The following PIEZO2 variants were observed in gnomAD, a reference collection of about 807,000 sequenced individuals.
PIEZO2 encodes piezo-type mechanosensitive ion channel component 2.
Under a neutral mutation model 337.3 loss-of-function variants are expected in PIEZO2, and 172 were observed. That is an observed-to-expected ratio of 0.51 (90% CI 0.45 to 0.58). The LOEUF is 0.58. PIEZO2 is among the 20% of genes least tolerant of loss of function. The pLI, the probability that PIEZO2 is intolerant of heterozygous loss-of-function variation, is 0.00. For synonymous variants in PIEZO2, 1,251 were observed against 1,228.5 expected, an observed-to-expected ratio of 1.02 and a Z score of -0.38; for missense variants, 3,028 against 3,391.3, an observed-to-expected ratio of 0.89 and a Z score of 2.66.
intron 17 of PIEZO2, among the ~76,000 whole-genome samples, chr18:10,782,381 T>C (rs1236169729): frequency 1.0e-5 from 1 of 98,008 alleles, no homozygotes; most frequent in East Asian, 2.4e-4. Context: ...TTATAATATA[T>C]TATAATTATA....
chr18:10,971,367 C>T (rs1464980304), intron 3 of PIEZO2, among the ~76,000 whole-genome samples: 1 of 152,162 alleles, frequency 6.6e-6, no homozygotes, highest in Non-Finnish European at 1.5e-5. Context: ...TTATTTCTAT[C>T]TTTAGGAAAA....
At chr18:10,957,735 T>C (rs1310039164) in intron 3 of PIEZO2, among the ~76,000 whole-genome samples, 1 of 152,122 alleles carries the variant, frequency 6.6e-6, no homozygotes, top group East Asian at 1.9e-4. Context: ...AGACAACCCA[T>C]GCATTGAAAG....
intron 49 of PIEZO2, among the ~76,000 whole-genome samples, chr18:10,684,360 T>C (rs1197186604): frequency 1.3e-5 from 2 of 150,446 alleles, no homozygotes; most frequent in African/African-American, 4.9e-5. Flanking sequence ...AGAGACAGGG[T>C]TTCACCATGT....
chr18:11,088,725 G>A (rs1275555992), intron 1 of PIEZO2, among the ~76,000 whole-genome samples: 1 of 152,164 alleles, frequency 6.6e-6, no homozygotes, highest in Non-Finnish European at 1.5e-5. Flanking sequence ...GTTATCAACG[G>A]TGGCAACCAT....
At position 10,752,757 on chromosome 18, in the gene PIEZO2, C is replaced by G; in HGVS notation, c.4046G>C (p.Cys1349Ser). 1 of 1,537,216 alleles carries G rather than the reference C, an allele frequency of 6.5e-7. No homozygotes were observed. Among genetic ancestry groups the G allele is most frequent in the East Asian group, 2.4e-5 (1 of 40,922 alleles). The change falls in exon 28 of 56, where the codon TGT becomes TCT. Residue 1349 changes from cysteine (C) to serine (S), a missense_variant. Transcript: ENST00000674853. ...GCCCCCAAAGAGCAGGAAGTAGAAA[C>G]AGGCCACCAGGTACCCCATGCAAAA... is the stretch of plus-strand genomic sequence containing the variant. ...SIFCMGYLVA[C>S]FYFLLFGGDL...
At position 10,789,302 on chromosome 18, in the gene PIEZO2, T is replaced by C; in HGVS notation, c.1946A>G (p.Lys649Arg). The part of the protein sequence containing the change: ...EPKEEEEEEA[K>R]EEKQERKKVE... ...CTTCTTTCTCTCTTGCTTCTCTTCC[T>C]TCGCTTCCTCTTCTTCCTCCTCTTT... The change falls in exon 15 of 56, where the codon AAG becomes AGG. Residue 649 changes from lysine to arginine, a missense_variant. Lys to Arg is a conservative substitution (Grantham distance 26). Transcript: ENST00000674853. 6.5e-7 allele frequency: 1 copy of C among 1,537,382 alleles called. No individual in the cohort carries two copies. The highest frequency in any genetic ancestry group is 2.4e-5 in the East Asian group (1 of 40,912).
chr18:10,818,042 T>A (rs2040415531), intron 7 of PIEZO2, among the ~76,000 whole-genome samples: 1 of 152,206 alleles, frequency 6.6e-6, no homozygotes. Flanking sequence ...ATATACTTTT[T>A]TCTTATTTTT....
At chr18:11,066,392 C>T (rs1025192892) in intron 1 of PIEZO2, among the ~76,000 whole-genome samples, 170 bp from the exon 2 acceptor site, 1 of 152,116 alleles carries the variant, frequency 6.6e-6, no homozygotes. Flanking sequence ...ATTCTATGTT[C>T]ATCACTGTGT....
In PIEZO2 at chr18:11,099,227, C is replaced by T. The variant is rs1054763041; in HGVS notation, c.65-33005G>A. ...GAAGTCTTATAGACATATCTCTGCA[C>T]ATTTGTGCCAGTATTTCTGTAGGTT... On this transcript the variant is annotated intron_variant, in intron 1 of 55. Coordinates refer to ENST00000674853, the MANE Select transcript of PIEZO2 (RefSeq NM_001378183.1). This position sits in a 1 kb window ranked among gnomAD's most constrained non-coding sequence, Gnocchi z 5.4. Among the ~76,000 whole-genome samples, 2 of 152,186 alleles carry T rather than the reference C, an allele frequency of 1.3e-5. No individual in the cohort carries two copies. Among genetic ancestry groups the T allele is most frequent in the African/African-American group, 4.8e-5 (2 of 41,444 alleles).
At position 10,783,300 on chromosome 18, in the gene PIEZO2, A is replaced by G. The variant is rs1052242331; in HGVS notation, c.2492+1484T>C. Among the ~76,000 whole-genome samples, 2 of 152,230 alleles carry G rather than the reference A, an allele frequency of 1.3e-5. No individual in the cohort carries two copies. Among genetic ancestry groups the G allele is most frequent in the Non-Finnish European group, 2.9e-5 (2 of 68,048 alleles). On this transcript the variant is annotated intron_variant, in intron 17 of 55. Transcript: ENST00000674853. The surrounding 1 kb of genome is among the most constrained non-coding windows in gnomAD (Gnocchi z 4.3). ...GGCTTATAGTAAATTTAAACATGTT[A>G]CATGGTCAGAATTAAATATCAAATA... is the stretch of plus-strand genomic sequence containing the variant.
At chr18:10,765,531 T>C (rs2038317069) in intron 21 of PIEZO2, among the ~76,000 whole-genome samples, 1 of 152,032 alleles carries the variant, frequency 6.6e-6, no homozygotes, top group African/African-American at 2.4e-5. Flanking sequence ...GGAATACGTA[T>C]TGCAAGGAGA....
chr18:10,853,962 G>T lies in PIEZO2; in HGVS notation c.917+1391C>A, dbSNP rs552141518. Among the ~76,000 whole-genome samples the T allele has an allele frequency of 6.6e-6, 1 of 152,244 alleles. No homozygotes were observed. Among genetic ancestry groups the T allele is most frequent in the African/African-American group, 2.4e-5 (1 of 41,546 alleles). ...TTTTAAGAATTTGTTGTTGAACCAG[G>T]ATCTGATCTACAGCTGTGCTTCACA... On this transcript the variant is annotated intron_variant, in intron 7 of 55. Coordinates refer to ENST00000674853, the MANE Select transcript of PIEZO2 (RefSeq NM_001378183.1). This position sits in a 1 kb window ranked among gnomAD's most constrained non-coding sequence, Gnocchi z 4.2.
intron 3 of PIEZO2, among the ~76,000 whole-genome samples, chr18:10,915,152 C>G (rs1456514747): frequency 1.5e-5 from 2 of 133,628 alleles, no homozygotes; most frequent in Non-Finnish European, 3.2e-5. Context: ...GTAGGAAGCT[C>G]TCTCTCCTCA....
intron 5 of PIEZO2, among the ~76,000 whole-genome samples, chr18:10,857,569 C>A (rs79789473): frequency 6.6e-6 from 1 of 152,020 alleles, no homozygotes; most frequent in African/African-American, 2.4e-5. Context: ...GAGTTGGCCA[C>A]CAAGGTGATA....
At chr18:11,115,203 T>C (rs1030100156) in intron 1 of PIEZO2, among the ~76,000 whole-genome samples, 9 of 152,218 alleles carry the variant, frequency 5.9e-5, no homozygotes, top group African/African-American at 2.2e-4. Flanking sequence ...AAACAAATAC[T>C]CCTATATTAA....
Position 10,903,981 on chromosome 18 carries a change from A to G in PIEZO2, c.329+7205T>C, listed in dbSNP as rs545447847. ...AGATATCATTAGAATAGCACCTGGT[A>G]CACAGCAGCAGCAGCTGCTCCAAAA... On this transcript the variant is annotated intron_variant, in intron 4 of 55. Coordinates refer to ENST00000674853, the MANE Select transcript of PIEZO2 (RefSeq NM_001378183.1). This position sits in a 1 kb window ranked among gnomAD's most constrained non-coding sequence, Gnocchi z 4.1. Among the ~76,000 whole-genome samples the G allele has an allele frequency of 3.3e-5, 5 of 152,232 alleles. No individual in the cohort carries two copies. The highest frequency in any genetic ancestry group is 7.3e-5 in the Non-Finnish European group (5 of 68,040).
intron 33 of PIEZO2, among the ~76,000 whole-genome samples, chr18:10,737,483 T>C (rs1464953493): frequency 6.6e-6 from 1 of 152,170 alleles, no homozygotes; most frequent in Non-Finnish European, 1.5e-5. Context: ...GGTTTACAAC[T>C]GCTAGGCTTC....
Position 10,855,203 on chromosome 18 carries a change from G to A in PIEZO2, c.917+150C>T. 1.5e-6 allele frequency: 1 copy of A among 679,914 alleles called. No individual in the cohort carries two copies. The highest frequency in any genetic ancestry group is 2.6e-5 in the Admixed American group (1 of 38,206). The allele number at this position is 679,914 out of a possible 1,614,324, so 42.1% of individuals were successfully genotyped here. ...GTCATCCAATACAATGAAAGTGCTAGACTGCTTCACCCACCCCCACAAAAT... is the reference window on the plus strand; with the variant it reads ...GTCATCCAATACAATGAAAGTGCTAAACTGCTTCACCCACCCCCACAAAAT... On this transcript the variant is annotated intron_variant, in intron 7 of 55. Transcript: ENST00000674853. The surrounding 1 kb of genome is among the most constrained non-coding windows in gnomAD (Gnocchi z 4.9).
At chr18:10,857,308 T>C in intron 5 of PIEZO2, 97 bp from the exon 6 acceptor site, 3 of 1,049,378 alleles carry the variant, frequency 2.9e-6, no homozygotes, top group Non-Finnish European at 4.2e-6. Context: ...GTCAACGTGG[T>C]GAATTTCACA....
Sources: allele counts gnomAD v4.1 joint callset (sites outside exome capture counted in the v4.1 genomes callset), GRCh38; gene constraint gnomAD v4.1.1; non-coding constraint Gnocchi (gnomAD v3.1); transcripts MANE v1.5; gene names NCBI Gene and HGNC (gene_info 2026-07-23, HGNC 2026-07-21).